The following INPP4B variants were observed in gnomAD, a reference collection of about 807,000 sequenced individuals.
INPP4B encodes the protein inositol polyphosphate 4-phosphatase type II.
In INPP4B, 55 loss-of-function variants were observed where a neutral mutation model predicts 122.5. That is an observed-to-expected ratio of 0.45 (90% CI 0.36 to 0.56). INPP4B has a LOEUF of 0.56. Ranked by LOEUF, INPP4B falls within the 20% of genes least tolerant of loss-of-function variation. INPP4B has a pLI of 0.00. For synonymous variants in INPP4B, 403 were observed against 388.7 expected (o/e 1.04, Z -0.43); for missense variants, 1,000 against 1,097.7 (o/e 0.91, Z 1.26).
chr4:142,844,046 G>T (rs953958742), intron 1 of INPP4B, among the ~76,000 whole-genome samples: 1 of 152,114 alleles, frequency 6.6e-6, no homozygotes, highest in African/African-American at 2.4e-5. Flanking sequence ...TATGATAGTA[G>T]AGCGATTTAG....
At chr4:142,640,660 T>C (rs546711469) in intron 2 of INPP4B, among the ~76,000 whole-genome samples, 32 of 151,758 alleles carry the variant, frequency 2.1e-4, no homozygotes, top group African/African-American at 7.2e-4. Context: ...ATTAAGACAG[T>C]AAAGAGGCAA....
At chr4:142,182,991 G>A (rs1033341143) in intron 15 of INPP4B, among the ~76,000 whole-genome samples, 1 of 152,120 alleles carries the variant, frequency 6.6e-6, no homozygotes, top group Admixed American at 6.5e-5. Context: ...TAGCCTATAG[G>A]GTGAACTGCC....
chr4:142,122,215 G>A lies in INPP4B; in HGVS notation c.2048C>T (p.Ala683Val), dbSNP rs1290824576. ...TTTCTTTAAATCGGAAATGCCAACG[G>A]CCATGTCCTCTAGCATTCCAATTTC... ...SDEIGMLEDM[A>V]VGISDLKKVA... is the part of the protein sequence containing the mutation. The change falls in exon 21 of 26, where the codon GCC becomes GTC. Residue 683 changes from alanine to valine, a missense_variant. Transcript: ENST00000262992. 2 of 1,611,206 alleles carry A rather than the reference G, an allele frequency of 1.2e-6. No homozygotes were observed. The highest frequency in any genetic ancestry group is 1.3e-5 in the African/African-American group (1 of 74,716).
intron 2 of INPP4B, among the ~76,000 whole-genome samples, chr4:142,602,881 G>T (rs1740352501): frequency 2.0e-5 from 3 of 152,136 alleles, no homozygotes; most frequent in Admixed American, 2.0e-4. Context: ...AAGGAATATA[G>T]ATCATTCTAT....
At chr4:142,299,523 T>G (rs983232823) in intron 9 of INPP4B, among the ~76,000 whole-genome samples, 5 of 107,316 alleles carry the variant, frequency 4.7e-5, no homozygotes, top group Non-Finnish European at 7.5e-5. Flanking sequence ...AAGTTTTTAG[T>G]TTTTTTTTTT....
intron 16 of INPP4B, among the ~76,000 whole-genome samples, chr4:142,162,586 C>T (rs1820634450): frequency 6.6e-6 from 1 of 151,828 alleles, no homozygotes; most frequent in Admixed American, 6.6e-5. Context: ...TTCAAGTCTC[C>T]ACAATACTCA....
intron 9 of INPP4B, among the ~76,000 whole-genome samples, chr4:142,276,935 T>C (rs112151102): frequency 5.9e-5 from 9 of 152,070 alleles, no homozygotes; most frequent in African/African-American, 2.2e-4. Flanking sequence ...AATTAAGAAA[T>C]ATTTTATCAG....
At chr4:142,460,830 C>A (rs1395384194) in intron 3 of INPP4B, among the ~76,000 whole-genome samples, 2 of 152,120 alleles carry the variant, frequency 1.3e-5, no homozygotes, top group Non-Finnish European at 2.9e-5. Context: ...TAAGTCAACT[C>A]TGGGTTTTTC....
chr4:142,147,691 C>T (rs1811530235), intron 17 of INPP4B, among the ~76,000 whole-genome samples: 1 of 152,156 alleles, frequency 6.6e-6, no homozygotes, highest in Non-Finnish European at 1.5e-5. Flanking sequence ...AAGCTTTCCC[C>T]TCACACTGTA....
At chr4:142,463,873 A>T (rs1423717539) in intron 2 of INPP4B, among the ~76,000 whole-genome samples, 1 of 152,162 alleles carries the variant, frequency 6.6e-6, no homozygotes, top group East Asian at 1.9e-4. Flanking sequence ...TGCAGAACTG[A>T]GTCAATTAAA....
chr4:142,520,285 C>T (rs1825917048), intron 2 of INPP4B, among the ~76,000 whole-genome samples: 1 of 151,950 alleles, frequency 6.6e-6, no homozygotes, highest in Non-Finnish European at 1.5e-5. Flanking sequence ...ATGAGAATCA[C>T]AAACTGCTCT....
rs552596510 is a variant in INPP4B, at chr4:142,064,487, C to T, written c.2642+17544G>A. On this transcript the variant is annotated intron_variant, in intron 25 of 25. Coordinates refer to ENST00000262992, the MANE Select transcript of INPP4B (RefSeq NM_001101669.3). Reference sequence around the variant, plus strand: ...AATACTTAACAGTATGTACCTTGAACATATGCATATGAGATGTTTGTTATA... The same window carrying T: ...AATACTTAACAGTATGTACCTTGAATATATGCATATGAGATGTTTGTTATA... Among the ~76,000 whole-genome samples the T allele has an allele frequency of 7.7e-4, 117 of 152,166 alleles. 2 individuals carry two copies. The highest frequency in any genetic ancestry group is 2.6e-3 in the African/African-American group (109 of 41,508).
intron 9 of INPP4B, among the ~76,000 whole-genome samples, chr4:142,300,604 C>G (rs1036725577): frequency 2.0e-5 from 3 of 152,018 alleles, no homozygotes; most frequent in African/African-American, 7.2e-5. Flanking sequence ...TATAGATTCC[C>G]AAACACATAG....
At chr4:142,280,525 C>G (rs1750704902) in intron 9 of INPP4B, among the ~76,000 whole-genome samples, 2 of 151,690 alleles carry the variant, frequency 1.3e-5, no homozygotes, top group South Asian at 4.2e-4. Flanking sequence ...CAGTGGTGGC[C>G]AGGGGTTGGT....
chr4:142,210,791 A>G (rs533838998), intron 12 of INPP4B, among the ~76,000 whole-genome samples: 1 of 152,346 alleles, frequency 6.6e-6, no homozygotes, highest in South Asian at 2.1e-4. Context: ...TCTCTAAATT[A>G]TTATCAGAAA....
rs183783579 is a variant in INPP4B, at chr4:142,756,195, G to T, written c.-253-30294C>A. ...CTCTTTTGCTCCTCGATGTTGTCAT[G>T]TCTACATGTTATAAAACTGTAGCAG... On this transcript the variant is annotated intron_variant, in intron 1 of 25. Transcript: ENST00000262992. 4.5e-3 allele frequency among the ~76,000 whole-genome samples: 680 copies of T among 152,156 alleles called. 5 individuals carry two copies. Among genetic ancestry groups the T allele is most frequent in the Admixed American group, 0.015 (223 of 15,270 alleles).
chr4:142,177,275 C>G (rs1160080327), intron 15 of INPP4B, among the ~76,000 whole-genome samples: 2 of 151,590 alleles, frequency 1.3e-5, no homozygotes, highest in Non-Finnish European at 2.9e-5. Flanking sequence ...AAAAAAATCA[C>G]CACTCACAAA....
chr4:142,213,413 A>G (rs1383650195), intron 12 of INPP4B, among the ~76,000 whole-genome samples: 1 of 152,174 alleles, frequency 6.6e-6, no homozygotes, highest in African/African-American at 2.4e-5. Context: ...GGGTCCATGC[A>G]TATTCCCTGC....
At chr4:142,460,750 C>T (rs1469629378) in intron 3 of INPP4B, among the ~76,000 whole-genome samples, 1 of 152,100 alleles carries the variant, frequency 6.6e-6, no homozygotes, top group Non-Finnish European at 1.5e-5. Context: ...TTGGAAGATG[C>T]TGAATTGGTC....
Sources: gnomAD v4.1 joint callset for allele counts (sites outside exome capture counted in the v4.1 genomes callset) on GRCh38, gnomAD v4.1.1 for gene constraint, MANE v1.5 for transcripts, NCBI Gene and HGNC (gene_info 2026-07-23, HGNC 2026-07-21) for gene names.